TXLNG: variants seen among roughly 807,000 people sequenced by gnomAD.
TXLNG encodes taxilin gamma.
In TXLNG, 5 loss-of-function variants were observed where a neutral mutation model predicts 38.8. The observed-to-expected ratio is 0.13, with a 90% CI of 0.07 to 0.27. The LOEUF (loss-of-function observed/expected upper bound fraction) is 0.27, where lower values mean the gene tolerates loss of function less well. TXLNG is among the 10% of genes least tolerant of loss of function. The pLI, the probability that TXLNG is intolerant of heterozygous loss-of-function variation, is 1.00. For synonymous variants in TXLNG, 182 were observed against 158.2 expected, an observed-to-expected ratio of 1.15 and a Z score of -1.13; for missense variants, 393 against 398.2, an observed-to-expected ratio of 0.99 and a Z score of 0.11.
At position 16,844,396 on chromosome X, in the gene TXLNG, A is replaced by T. The variant is rs1044234338; in HGVS notation, c.*2630A>T. 8.9e-6 allele frequency: 1 copy of T among 112,336 alleles called. No homozygotes were observed. Among genetic ancestry groups the T allele is most frequent in the African/African-American group, 3.2e-5 (1 of 30,888 alleles). The allele number at this position is 112,336 out of a possible 1,213,427, so 9.3% of individuals were successfully genotyped here. ...AGCCCACGTCTTTCATGAGGATACG[A>T]ATTGTTAAGAGGCAGTCTCGTTTTG... is the stretch of plus-strand genomic sequence containing the variant. On this transcript the variant is annotated 3_prime_UTR_variant, in exon 10 of 10. Transcript: ENST00000380122.
chrX:16,796,867 G>A (rs1927908069), intron 1 of TXLNG, among the ~76,000 whole-genome samples: 1 of 111,454 alleles, frequency 9.0e-6, no homozygotes, highest in South Asian at 3.8e-4. Context: ...TTCGGTTTGA[G>A]GATCTTTTTG....
At chrX:16,824,899 C>G (rs780905863) in intron 3 of TXLNG, among the ~76,000 whole-genome samples, 22 of 109,230 alleles carry the variant, frequency 2.0e-4, no homozygotes, top group African/African-American at 7.0e-4. Context: ...GCATTCCAGC[C>G]TGGGCAGCAG....
intron 1 of TXLNG, among the ~76,000 whole-genome samples, chrX:16,806,936 AAATT>A (rs1403613531): frequency 4.0e-5 from 4 of 99,673 alleles, no homozygotes; most frequent in Middle Eastern, 5.0e-3. Context: ...AAAAAAAAAA[AAATT>A]AGGCGTGGTG....
At chrX:16,808,520 G>A (rs894302606) in intron 1 of TXLNG, among the ~76,000 whole-genome samples, 2 of 111,789 alleles carry the variant, frequency 1.8e-5, no homozygotes, top group African/African-American at 6.5e-5. Context: ...CACGCCTGCT[G>A]TGAAAGTCTT....
At chrX:16,809,463 C>T (rs1281784396) in intron 1 of TXLNG, among the ~76,000 whole-genome samples, 2 of 107,241 alleles carry the variant, frequency 1.9e-5, no homozygotes, top group African/African-American at 6.8e-5. Context: ...CCTGCCTCAG[C>T]CTCCCGAGTA....
chrX:16,787,184 G>A (rs1397797509), intron 1 of TXLNG, among the ~76,000 whole-genome samples: 1 of 112,210 alleles, frequency 8.9e-6, no homozygotes, highest in Non-Finnish European at 1.9e-5. Flanking sequence ...AGGCGAGCGG[G>A]TGAGTGTCGC....
At chrX:16,800,741 C>G (rs1465251510) in intron 1 of TXLNG, among the ~76,000 whole-genome samples, 1 of 110,688 alleles carries the variant, frequency 9.0e-6, no homozygotes, top group African/African-American at 3.3e-5. Context: ...AGAGGAGATA[C>G]TTCTGAAAAA....
At chrX:16,796,806 C>G (rs1927905108) in intron 1 of TXLNG, among the ~76,000 whole-genome samples, 1 of 110,774 alleles carries the variant, frequency 9.0e-6, no homozygotes, top group African/African-American at 3.3e-5. Context: ...AGCTGGCCTT[C>G]TAGTCTCTCT....
chrX:16,820,500 T>G (rs1398610678), intron 3 of TXLNG, among the ~76,000 whole-genome samples: 2 of 111,877 alleles, frequency 1.8e-5, no homozygotes, highest in Admixed American at 1.9e-4. Context: ...AAACTCAGTT[T>G]TAGAGTCTAA....
rs1368956515 is a variant in TXLNG, at chrX:16,832,694, A to G, written c.936A>G (p.Thr312=). Residue 312 remains threonine, a synonymous_variant, in exon 6 of 10, where the codon ACA becomes ACG. Transcript: ENST00000380122. ...TGGATGCCAAACTGCAGCAAACGAC[A>G]CAACTGATAAAAGAAGCTGATGAAA... is the stretch of plus-strand genomic sequence containing the variant. The part of the protein sequence containing the change: ...QLVDAKLQQT[T]QLIKEADEKH... The G allele has an allele frequency of 8.3e-7, 1 of 1,207,700 alleles. No homozygotes were observed. The highest frequency in any genetic ancestry group is 1.1e-6 in the Non-Finnish European group (1 of 894,199).
At chrX:16,788,667 G>GTTTTTTTTTT (rs10668899) in intron 1 of TXLNG, among the ~76,000 whole-genome samples, 8 of 80,320 alleles carry the variant, frequency 1.0e-4, no homozygotes, top group African/African-American at 1.4e-4. Context: ...AACTTGTTGT[G>GTTTTTTTTTT]TTTTTTTTTT....
At chrX:16,790,955 C>T (rs185382878) in intron 1 of TXLNG, among the ~76,000 whole-genome samples, 4 of 111,918 alleles carry the variant, frequency 3.6e-5, no homozygotes, top group Non-Finnish European at 7.5e-5. Flanking sequence ...TTCTGCCGCC[C>T]ATAGCTCTGC....
At chrX:16,786,959 A>G (rs1927512294) in intron 1 of TXLNG, among the ~76,000 whole-genome samples, 1 of 111,396 alleles carries the variant, frequency 9.0e-6, no homozygotes, top group South Asian at 3.9e-4. Context: ...CACCGCCGTC[A>G]CCGTGCTCCC....
intron 8 of TXLNG, 45 bp downstream of exon 8, chrX:16,837,730 T>C (rs746989450): frequency 4.0e-6 from 4 of 991,691 alleles, no homozygotes; most frequent in Non-Finnish European, 5.6e-6. Flanking sequence ...ATGGAATTTG[T>C]ATAAGCTCTT....
chrX:16,802,254 C>CT (rs549410933), intron 1 of TXLNG, among the ~76,000 whole-genome samples: 17,904 of 86,033 alleles, frequency 0.21, 2,096 homozygotes, highest in African/African-American at 0.36. Context: ...CGCACCTGGC[C>CT]TTTTTTTTTT....
At chrX:16,831,232 G>A (rs1454775820) in intron 5 of TXLNG, among the ~76,000 whole-genome samples, 1 of 111,780 alleles carries the variant, frequency 8.9e-6, no homozygotes, top group Non-Finnish European at 1.9e-5. Flanking sequence ...CCAGGAGTTC[G>A]AGACCAGCCT....
chrX:16,841,038 TACAAA>T (rs1929792426), intron 9 of TXLNG, among the ~76,000 whole-genome samples: 1 of 109,915 alleles, frequency 9.1e-6, no homozygotes, highest in African/African-American at 3.3e-5. Flanking sequence ...CTACTAAAAA[TACAAA>T]AATTAGCTGG....
intron 1 of TXLNG, among the ~76,000 whole-genome samples, chrX:16,803,009 G>A (rs1271235977): frequency 1.8e-5 from 2 of 108,800 alleles, no homozygotes; most frequent in Admixed American, 9.9e-5. Flanking sequence ...TAGTAGAGAT[G>A]GGGTTTCACC....
intron 1 of TXLNG, among the ~76,000 whole-genome samples, chrX:16,802,793 G>A (rs1007036366): frequency 6.5e-5 from 7 of 107,550 alleles, no homozygotes; most frequent in African/African-American, 1.7e-4. Flanking sequence ...TTTTCTGCTC[G>A]GAGAAGGCCA....
Sources: gnomAD v4.1 joint callset for allele counts (sites outside exome capture counted in the v4.1 genomes callset) on GRCh38, gnomAD v4.1.1 for gene constraint, MANE v1.5 for transcripts, NCBI Gene and HGNC (gene_info 2026-07-23, HGNC 2026-07-21) for gene names.